Variants in CENPU observed in about 807,000 individuals in gnomAD.
CENPU encodes the protein centromere protein U.
In CENPU, 46 loss-of-function variants were observed where a neutral mutation model predicts 56.7. That is an observed-to-expected ratio of 0.81 (90% CI 0.64 to 1.04). CENPU has a LOEUF of 1.04. Ranked by LOEUF, CENPU falls within the 50% of genes least tolerant of loss-of-function variation. The probability of loss-of-function intolerance (pLI) is 0.00; values close to 1 mark genes in which losing one functional copy is unlikely to be tolerated. For missense variants in CENPU, 510 were observed against 490.1 expected (o/e 1.04, Z -0.38); for synonymous variants, 166 against 163.0 (o/e 1.02, Z -0.14).
chr4:184,722,446 TAA>T (rs1288274244), intron 4 of CENPU, among the ~76,000 whole-genome samples: 1 of 151,994 alleles, frequency 6.6e-6, no homozygotes, highest in African/African-American at 2.4e-5. Flanking sequence ...AAGTAGCTCT[TAA>T]AAGTCATTAT....
In CENPU at chr4:184,705,448, CA is replaced by C. The variant is rs150161652; in HGVS notation, c.798-3008del. Among the ~76,000 whole-genome samples the C allele has an allele frequency of 7.2e-3, 1,099 of 152,160 alleles. 13 individuals are homozygous for C. The highest frequency in any genetic ancestry group is 0.025 in the African/African-American group (1,043 of 41,490). ...TAGTTATAAAAGGGCAACATGAAGA[CA>C]GCGGGGGCACGAGAACACAAGGATC... On this transcript the variant is annotated intron_variant, in intron 8 of 12. Coordinates refer to ENST00000281453, the MANE Select transcript of CENPU (RefSeq NM_024629.4).
At chr4:184,716,301 A>G in intron 6 of CENPU, 96 bp downstream of exon 6, 1 of 763,902 alleles carries the variant, frequency 1.3e-6, no homozygotes, top group South Asian at 1.8e-5. Flanking sequence ...TTTATCTTTG[A>G]AAAGATCTGA....
chr4:184,721,840 CCAGA>C (rs1051147459), intron 4 of CENPU, among the ~76,000 whole-genome samples: 20 of 152,164 alleles, frequency 1.3e-4, no homozygotes, highest in Admixed American at 9.2e-4. Context: ...GAGAGATCTT[CCAGA>C]CAGACAATCA....
At chr4:184,733,864 C>CT in intron 1 of CENPU, 152 bp downstream of exon 1, 1 of 1,020,610 alleles carries the variant, frequency 9.8e-7, no homozygotes, top group Non-Finnish European at 1.5e-6. Context: ...CCCCACTAGA[C>CT]TGAGGAGGAA....
rs1235434574 is a variant in CENPU at position 184,716,480 on chromosome 4, C to T, written c.535G>A (p.Glu179Lys). 6.2e-7 allele frequency: 1 copy of T among 1,614,148 alleles called. No individual in the cohort carries two copies. The highest frequency in any genetic ancestry group is 2.2e-5 in the East Asian group (1 of 44,880). The part of the protein sequence containing the change: ...ASSELSEKPA[E>K]SVTSKKTGPL... ...CCTGTCTTTTTAGAAGTGACAGACT[C>T]AGCTGGTTTCTCTGAAAGTTCTGAA... Residue 179 changes from glutamate (E) to lysine (K), a missense_variant, in exon 6 of 13, where the codon GAG becomes AAG. Coordinates refer to ENST00000281453, the MANE Select transcript of CENPU (RefSeq NM_024629.4).
chr4:184,703,406 T>C (rs1760609727), intron 8 of CENPU, among the ~76,000 whole-genome samples: 1 of 152,178 alleles, frequency 6.6e-6, no homozygotes, highest in Admixed American at 6.5e-5. Flanking sequence ...TCTCTGTCAC[T>C]GGGGAGAAGA....
At chr4:184,730,474 GA>G (rs988951158) in intron 2 of CENPU, among the ~76,000 whole-genome samples, 5 of 139,142 alleles carry the variant, frequency 3.6e-5, no homozygotes, top group East Asian at 1.9e-4. Context: ...CAAGCCACTG[GA>G]AAAAAAAACT....
rs1178611595 is a variant in CENPU, at chr4:184,697,629, A to C, written c.1143+18T>G. ...CAATCATCTTCTGAAGCATGGTAAA[A>C]AGTAAAATTGGAGTTACCGTTTCCT... On this transcript the variant is annotated intron_variant, in intron 12 of 12. Transcript: ENST00000281453. The C allele has an allele frequency of 6.2e-7, 1 of 1,611,306 alleles. No individual in the cohort carries two copies. Among genetic ancestry groups the C allele is most frequent in the African/African-American group, 1.3e-5 (1 of 74,794 alleles).
Position 184,694,374 on chromosome 4 carries a change from A to G in CENPU, c.*914T>C. 1.4e-6 allele frequency: 2 copies of G among 1,411,016 alleles called. No homozygotes were observed. Among genetic ancestry groups the G allele is most frequent in the Non-Finnish European group, 1.8e-6 (2 of 1,083,762 alleles). 87.4% of individuals were successfully genotyped at this position (1,411,016 alleles called of 1,614,324 possible). On this transcript the variant is annotated 3_prime_UTR_variant, in exon 13 of 13. Coordinates refer to ENST00000281453, the MANE Select transcript of CENPU (RefSeq NM_024629.4). ...AATCAGTGCACTCATTCCCACGGTG[A>G]GATATCGGAGACAGCATTCCTCCTG...
chr4:184,732,381 G>T (rs1761679031), intron 1 of CENPU, among the ~76,000 whole-genome samples: 1 of 152,184 alleles, frequency 6.6e-6, no homozygotes, highest in Non-Finnish European at 1.5e-5. Context: ...CCTCTGGGGT[G>T]AGGTCTGGGA....
At chr4:184,730,336 G>T (rs950267826) in intron 2 of CENPU, among the ~76,000 whole-genome samples, 1 of 151,922 alleles carries the variant, frequency 6.6e-6, no homozygotes, top group Admixed American at 6.6e-5. Context: ...GAGAGCTATC[G>T]TCTGCAGGCT....
chr4:184,706,787 C>A (rs569463690), intron 8 of CENPU, among the ~76,000 whole-genome samples: 22 of 152,308 alleles, frequency 1.4e-4, no homozygotes, highest in Admixed American at 1.2e-3. Flanking sequence ...GACAAAAACA[C>A]AAGGTTGTAC....
intron 12 of CENPU, among the ~76,000 whole-genome samples, chr4:184,696,611 A>G (rs532955366): frequency 6.6e-6 from 1 of 152,084 alleles, no homozygotes; most frequent in Non-Finnish European, 1.5e-5. Context: ...AGGAAAATTA[A>G]TTTAGATCAG....
At chr4:184,716,674 G>T (rs1229183396) in intron 5 of CENPU, 41 bp from the exon 6 acceptor site, 6 of 1,423,314 alleles carry the variant, frequency 4.2e-6, no homozygotes, top group South Asian at 3.5e-5. Context: ...GTAGAAAATA[G>T]AAATGCTTAT....
chr4:184,705,414 C>T (rs1760691743), intron 8 of CENPU, among the ~76,000 whole-genome samples: 1 of 152,000 alleles, frequency 6.6e-6, no homozygotes, highest in Non-Finnish European at 1.5e-5. Context: ...GGGCTTGGGG[C>T]TGTGGGTGTA....
chr4:184,704,589 CTGAA>C (rs1760660877), intron 8 of CENPU, among the ~76,000 whole-genome samples: 2 of 151,846 alleles, frequency 1.3e-5, no homozygotes, highest in African/African-American at 4.9e-5. Context: ...GTATACATGA[CTGAA>C]TATGATTCCA....
intron 2 of CENPU, 112 bp from the exon 3 acceptor site, chr4:184,729,147 T>C (rs1391813578): frequency 3.8e-6 from 3 of 787,378 alleles, no homozygotes; most frequent in Non-Finnish European, 4.3e-6. Context: ...GCAATCCTTA[T>C]GCATGGGGTG....
intron 1 of CENPU, among the ~76,000 whole-genome samples, chr4:184,732,112 C>A (rs1034890224): frequency 7.9e-5 from 12 of 151,830 alleles, no homozygotes; most frequent in Non-Finnish European, 7.4e-5. Context: ...TTTAAAAAAA[C>A]AAACAATAAA....
intron 3 of CENPU, among the ~76,000 whole-genome samples, chr4:184,727,024 G>A (rs1290688793): frequency 1.3e-5 from 2 of 150,800 alleles, no homozygotes; most frequent in African/African-American, 4.9e-5. Context: ...CTGAGGCAGG[G>A]AGAATTGCTT....
Sources: allele counts gnomAD v4.1 joint callset (sites outside exome capture counted in the v4.1 genomes callset), GRCh38; gene constraint gnomAD v4.1.1; transcripts MANE v1.5; gene names NCBI Gene and HGNC (gene_info 2026-07-23, HGNC 2026-07-21).